The following TRIOBP variants were observed in gnomAD, a reference collection of about 807,000 sequenced individuals.
The protein encoded by TRIOBP is TRIO and F-actin binding protein.
Under a neutral mutation model 238.8 loss-of-function variants are expected in TRIOBP, and 169 were observed. That is an observed-to-expected ratio of 0.71 (90% CI 0.62 to 0.80). The LOEUF is 0.80. Ranked by LOEUF, TRIOBP falls within the 30% of genes least tolerant of loss-of-function variation. TRIOBP has a pLI of 0.00. For missense variants in TRIOBP, 2,838 were observed against 3,122.6 expected (o/e 0.91, Z 2.17); for synonymous variants, 1,150 against 1,274.4 (o/e 0.90, Z 2.08).
chr22:37,762,362 C>A (rs1262382933), intron 17 of TRIOBP, among the ~76,000 whole-genome samples: 1 of 152,214 alleles, frequency 6.6e-6, no homozygotes, highest in African/African-American at 2.4e-5. Context: ...ACTGCACTGG[C>A]CCACCTTTGT....
At chr22:37,752,234 C>T (rs1252441079) in intron 12 of TRIOBP, among the ~76,000 whole-genome samples, 1 of 152,190 alleles carries the variant, frequency 6.6e-6, no homozygotes, top group Non-Finnish European at 1.5e-5. Flanking sequence ...CCTGGATCCC[C>T]ACTGGTTGAG....
intron 3 of TRIOBP, among the ~76,000 whole-genome samples, chr22:37,707,793 T>C (rs375944136): frequency 2.6e-3 from 386 of 149,034 alleles, no homozygotes; most frequent in African/African-American, 9.1e-3. Context: ...AATACAAAAA[T>C]TAGCTGGGTA....
chr22:37,755,473 C>T lies in TRIOBP; in HGVS notation c.5578-77C>T, dbSNP rs905749154. 23 of 1,370,454 alleles carry T rather than the reference C, an allele frequency of 1.7e-5. No individual in the cohort carries two copies. In the African/African-American group the frequency reaches 3.3e-4, roughly 20 times the overall value. 84.9% of individuals were successfully genotyped at this position (1,370,454 alleles called of 1,614,324 possible). A position where few individuals can be genotyped will look rare whatever the true frequency, so the allele number is the denominator to read the frequency against. On this transcript the variant is annotated intron_variant, in intron 14 of 23. Coordinates refer to ENST00000644935, the MANE Select transcript of TRIOBP (RefSeq NM_001039141.3). ...GATGCATCCTGGGAAGGAAGGGCCACCCTCCCTGGGGTCCATAGTGGGGAG... is the reference window on the plus strand; with the variant it reads ...GATGCATCCTGGGAAGGAAGGGCCATCCTCCCTGGGGTCCATAGTGGGGAG...
At position 37,735,529 on chromosome 22, in the gene TRIOBP, G is replaced by C. The variant is rs977307816; in HGVS notation, c.5106+87G>C. The stretch of plus-strand genomic sequence containing the variant: ...CTTGGAAAAGCCTCCCCTTGGAGTA[G>C]CCTAAGCTCCTGCATCCCCCTCCAG... On this transcript the variant is annotated intron_variant, in intron 9 of 23. Transcript: ENST00000644935. The C allele has an allele frequency of 2.0e-4, 293 of 1,462,594 alleles. 1 individual carries two copies. The African/African-American group carries it at 3.6e-3, about 18-fold the overall frequency. The allele number at this position is 1,462,594 out of a possible 1,614,324, so 90.6% of individuals were successfully genotyped here. A position where few individuals can be genotyped will look rare whatever the true frequency, so the allele number is the denominator to read the frequency against.
chr22:37,716,559 A>G (rs1216673317), intron 6 of TRIOBP, among the ~76,000 whole-genome samples: 1 of 151,880 alleles, frequency 6.6e-6, no homozygotes, highest in Non-Finnish European at 1.5e-5. Flanking sequence ...CCTCCTAAGT[A>G]CCTGGGATTA....
chr22:37,745,848 T>C (rs1040524238), intron 11 of TRIOBP, among the ~76,000 whole-genome samples: 4 of 152,104 alleles, frequency 2.6e-5, no homozygotes, highest in African/African-American at 4.8e-5. Flanking sequence ...AGCGGACCCA[T>C]CGCTCCGGGG....
intron 7 of TRIOBP, chr22:37,726,711 A>T (rs773330584): frequency 1.2e-4 from 67 of 568,268 alleles, no homozygotes; most frequent in Non-Finnish European, 1.8e-4. Context: ...AAGTGATGTC[A>T]TGCACAGCCC....
Position 37,725,934 on chromosome 22 carries a change from A to G in TRIOBP, c.3378A>G (p.Pro1126=). Residue 1126 remains proline, a synonymous_variant, in exon 7 of 24, where the codon CCA becomes CCG. Transcript: ENST00000644935. ...YRDAPRASSP[P]RQAPEPSLLF... ...ATGCACCCCGGGCCTCCTCCCCACCACGCCAGGCCCCAGAGCCTTCCCTCT... is the reference window on the plus strand; with the variant it reads ...ATGCACCCCGGGCCTCCTCCCCACCGCGCCAGGCCCCAGAGCCTTCCCTCT... The G allele has an allele frequency of 6.3e-7, 1 of 1,581,670 alleles. No individual in the cohort carries two copies. Among genetic ancestry groups the G allele is most frequent in the Non-Finnish European group, 8.6e-7 (1 of 1,166,618 alleles).
At chr22:37,746,299 G>T in intron 11 of TRIOBP, 4 of 1,104,604 alleles carry the variant, frequency 3.6e-6, no homozygotes, top group Non-Finnish European at 4.4e-6. Flanking sequence ...GCGCGGCGGC[G>T]GGCGGCCGAG....
rs1227205163 is a variant in TRIOBP, at chr22:37,738,522, G to A, written c.5107-120G>A. On this transcript the variant is annotated intron_variant, in intron 9 of 23. Transcript: ENST00000644935. ...GGTTGGATGGATACATGGATCTACT[G>A]ATGCTGGACGTTAGATGGGTGTTGC... 4 of 917,736 alleles carry A rather than the reference G, an allele frequency of 4.4e-6. No individual in the cohort carries two copies. In the African/African-American group the frequency reaches 4.9e-5, roughly 11 times the overall value. The allele number at this position is 917,736 out of a possible 1,614,324, so 56.8% of individuals were successfully genotyped here.
intron 7 of TRIOBP, among the ~76,000 whole-genome samples, chr22:37,731,511 C>T (rs2145839854): frequency 6.6e-6 from 1 of 151,874 alleles, no homozygotes; most frequent in African/African-American, 2.4e-5. Flanking sequence ...GGCTGGAGTG[C>T]AGTGGCGCGA....
At chr22:37,706,630 AAC>A (rs1922954374) in intron 3 of TRIOBP, among the ~76,000 whole-genome samples, 1 of 152,074 alleles carries the variant, frequency 6.6e-6, no homozygotes, top group South Asian at 2.1e-4. Flanking sequence ...ATCTCTACAA[AAC>A]AAAAAATGAA....
intron 9 of TRIOBP, 108 bp from the exon 10 acceptor site, chr22:37,738,534 T>A: frequency 3.9e-6 from 4 of 1,034,052 alleles, no homozygotes; most frequent in Non-Finnish European, 5.9e-6. Context: ...TGCTGGACGT[T>A]AGATGGGTGT....
rs1323861897 is a variant in TRIOBP, at chr22:37,757,871, C to T, written c.5946C>T (p.Arg1982=). The change falls in exon 16 of 24, where the codon CGC becomes CGT. Residue 1982 remains arginine, a synonymous_variant. Coordinates refer to ENST00000644935, the MANE Select transcript of TRIOBP (RefSeq NM_001039141.3). ...QEELERDLAQ[R]SEERRKWFEA... is the part of the protein sequence containing the mutation. Reference sequence around the variant, plus strand: ...AGCTGGAGCGGGACCTGGCCCAGCGCTCCGAGGAGCGGCGCAAGTGGTTTG... The same window carrying T: ...AGCTGGAGCGGGACCTGGCCCAGCGTTCCGAGGAGCGGCGCAAGTGGTTTG... 9.7e-6 allele frequency: 15 copies of T among 1,552,868 alleles called. No individual in the cohort carries two copies. The East Asian group carries it at 3.7e-4, about 38-fold the overall frequency.
intron 10 of TRIOBP, among the ~76,000 whole-genome samples, chr22:37,739,989 T>A (rs1191058523): frequency 6.6e-6 from 1 of 152,154 alleles, no homozygotes; most frequent in Admixed American, 6.5e-5. Flanking sequence ...TCACACACAC[T>A]TAGTGAGCAC....
At position 37,759,202 on chromosome 22, in the gene TRIOBP, G is replaced by A. The variant is rs747980001; in HGVS notation, c.6262G>A (p.Ala2088Thr). ...QLEAWRLQGE[A>T]PQSALRSQED... Reference sequence around the variant, plus strand: ...GGAGGCGTGGCGTCTCCAAGGGGAGGCTCCTCAGAGTGCACTGAGATCCCA... The same window carrying A: ...GGAGGCGTGGCGTCTCCAAGGGGAGACTCCTCAGAGTGCACTGAGATCCCA... Residue 2088 changes from alanine (A) to threonine (T), a missense_variant, in exon 17 of 24, where the codon GCT becomes ACT. Physicochemically the swap from Ala to Thr is moderately conservative, Grantham distance 58. Transcript: ENST00000644935. The A allele has an allele frequency of 1.9e-6, 3 of 1,613,076 alleles. No individual in the cohort carries two copies. Among genetic ancestry groups the A allele is most frequent in the South Asian group, 1.1e-5 (1 of 91,086 alleles).
intron 11 of TRIOBP, among the ~76,000 whole-genome samples, chr22:37,749,351 A>G (rs1319644888): frequency 6.6e-6 from 1 of 152,062 alleles, no homozygotes; most frequent in Admixed American, 6.6e-5. Flanking sequence ...ACTCTGTCTC[A>G]AAAATAAAGC....
intron 12 of TRIOBP, among the ~76,000 whole-genome samples, chr22:37,754,666 G>A (rs1337207961): frequency 6.6e-6 from 1 of 152,152 alleles, no homozygotes; most frequent in Non-Finnish European, 1.5e-5. Flanking sequence ...GGAGCTCCAA[G>A]AAGGAAAGGG....
chr22:37,715,953 T>G lies in TRIOBP; in HGVS notation c.628+19T>G, dbSNP rs777808639. ...AAGGAGGGTGAGTCCTTCTGCCAGG[T>G]TGGTTCCCATGGTGATGGCCTGGGG... On this transcript the variant is annotated intron_variant, in intron 6 of 23. Coordinates refer to ENST00000644935, the MANE Select transcript of TRIOBP (RefSeq NM_001039141.3). 7 of 1,611,682 alleles carry G rather than the reference T, an allele frequency of 4.3e-6. No homozygotes were observed. Among genetic ancestry groups the G allele is most frequent in the African/African-American group, 2.7e-5 (2 of 74,866 alleles).
Sources: allele counts gnomAD v4.1 joint callset (sites outside exome capture counted in the v4.1 genomes callset), GRCh38; gene constraint gnomAD v4.1.1; transcripts MANE v1.5; gene names NCBI Gene and HGNC (gene_info 2026-07-23, HGNC 2026-07-21).